Variants in AUH observed in about 807,000 individuals in gnomAD.
AUH encodes AU RNA binding methylglutaconyl-CoA hydratase.
AUH carries 29 observed loss-of-function variants against 42.3 expected under a neutral mutation model. The observed-to-expected ratio is 0.69, with a 90% CI of 0.51 to 0.93. AUH has a LOEUF of 0.93. AUH is among the 40% of genes least tolerant of loss of function. AUH has a pLI of 0.00. For missense variants in AUH, 452 were observed against 438.1 expected (o/e 1.03, Z -0.28); for synonymous variants, 174 against 166.4 (o/e 1.05, Z -0.35).
chr9:91,260,877 A>C (rs1272582118), intron 6 of AUH, among the ~76,000 whole-genome samples: 1 of 152,166 alleles, frequency 6.6e-6, no homozygotes, highest in Non-Finnish European at 1.5e-5. Flanking sequence ...CAGATTCACT[A>C]AACTTTTCTT....
intron 3 of AUH, among the ~76,000 whole-genome samples, chr9:91,330,790 A>G (rs183452036): frequency 6.6e-6 from 1 of 152,360 alleles, no homozygotes; most frequent in East Asian, 1.9e-4. Flanking sequence ...AATATGTTCA[A>G]TGGAAGAGAT....
At chr9:91,233,406 T>C (rs1828000681) in intron 6 of AUH, among the ~76,000 whole-genome samples, 2 of 152,054 alleles carry the variant, frequency 1.3e-5, no homozygotes, top group South Asian at 4.2e-4. Context: ...ATCCTGTGGG[T>C]CCCATGGGCC....
At chr9:91,233,363 G>T (rs753294767) in intron 6 of AUH, among the ~76,000 whole-genome samples, 14 of 152,156 alleles carry the variant, frequency 9.2e-5, no homozygotes, top group Non-Finnish European at 1.8e-4. Flanking sequence ...GCACAAGGAG[G>T]TCCAGTGTGG....
At chr9:91,224,321 G>C (rs1443372905) in intron 6 of AUH, among the ~76,000 whole-genome samples, 1 of 152,118 alleles carries the variant, frequency 6.6e-6, no homozygotes, top group Non-Finnish European at 1.5e-5. Context: ...TGTTTCATTT[G>C]TTGAGTTACA....
At chr9:91,235,476 G>A (rs1048957899) in intron 6 of AUH, among the ~76,000 whole-genome samples, 3 of 152,170 alleles carry the variant, frequency 2.0e-5, no homozygotes, top group Admixed American at 1.3e-4. Context: ...GCCAAGGTAA[G>A]TATAATGTAT....
intron 3 of AUH, among the ~76,000 whole-genome samples, chr9:91,351,027 C>T (rs1422571118): frequency 6.6e-6 from 1 of 151,858 alleles, no homozygotes; most frequent in African/African-American, 2.4e-5. Context: ...GGCTGAAATG[C>T]AGTGGCACAA....
intron 6 of AUH, among the ~76,000 whole-genome samples, chr9:91,283,572 C>T (rs1457136125): frequency 6.6e-6 from 1 of 152,190 alleles, no homozygotes; most frequent in Non-Finnish European, 1.5e-5. Flanking sequence ...CCCATTGTCT[C>T]AGCCCAAAAT....
intron 7 of AUH, among the ~76,000 whole-genome samples, chr9:91,220,369 T>C (rs1399752534): frequency 6.6e-6 from 1 of 152,236 alleles, no homozygotes; most frequent in Non-Finnish European, 1.5e-5. Context: ...GGAAGTCCAC[T>C]CTGGCACAAC....
At chr9:91,273,564 A>G (rs1482879054) in intron 6 of AUH, among the ~76,000 whole-genome samples, 1 of 152,242 alleles carries the variant, frequency 6.6e-6, no homozygotes, top group Non-Finnish European at 1.5e-5. Flanking sequence ...GATTTCTGCA[A>G]TATCAACTGG....
At chr9:91,317,125 G>A (rs991769996) in intron 4 of AUH, among the ~76,000 whole-genome samples, 6 of 152,132 alleles carry the variant, frequency 3.9e-5, no homozygotes, top group Non-Finnish European at 8.8e-5. Context: ...ATAATACACC[G>A]TCTTCATTTC....
intron 3 of AUH, among the ~76,000 whole-genome samples, chr9:91,347,483 G>A (rs1419631832): frequency 1.3e-5 from 2 of 152,114 alleles, no homozygotes; most frequent in African/African-American, 4.8e-5. Context: ...TGGGGGGAGA[G>A]GGTGCTAAAA....
At chr9:91,250,490 T>C (rs1025631706) in intron 6 of AUH, among the ~76,000 whole-genome samples, 1 of 152,208 alleles carries the variant, frequency 6.6e-6, no homozygotes, top group Admixed American at 6.5e-5. Flanking sequence ...GTGAGTCTCT[T>C]ATATTCCCAG....
intron 4 of AUH, among the ~76,000 whole-genome samples, chr9:91,324,900 T>C (rs1261802525): frequency 6.6e-6 from 1 of 151,832 alleles, no homozygotes; most frequent in Non-Finnish European, 1.5e-5. Flanking sequence ...ATATAAAATT[T>C]TGGATAAGAC....
In AUH at chr9:91,361,897, G is replaced by GT; in HGVS notation, c.-9dup. On this transcript the variant is annotated 5_prime_UTR_variant, in exon 1 of 10. Transcript: ENST00000375731. The stretch of plus-strand genomic sequence containing the variant: ...CGCCACCGCGGCCGCCATGTTGTCT[G>GT]TTTACGGCGTGGACCTGCGACGGCC... The GT allele has an allele frequency of 6.9e-7, 1 of 1,448,032 alleles. No individual in the cohort carries two copies. Among genetic ancestry groups the GT allele is most frequent in the African/African-American group, 1.5e-5 (1 of 67,642 alleles). The allele number at this position is 1,448,032 out of a possible 1,614,324, so 89.7% of individuals were successfully genotyped here. A position where few individuals can be genotyped will look rare whatever the true frequency, so the allele number is the denominator to read the frequency against.
intron 6 of AUH, among the ~76,000 whole-genome samples, chr9:91,249,002 TACA>T (rs949664205): frequency 5.3e-5 from 8 of 152,020 alleles, no homozygotes; most frequent in African/African-American, 1.7e-4. Flanking sequence ...GAGTAAAGAA[TACA>T]ACATTTCTGG....
At chr9:91,265,960 T>C (rs1403932386) in intron 6 of AUH, among the ~76,000 whole-genome samples, 1 of 152,160 alleles carries the variant, frequency 6.6e-6, no homozygotes, top group Non-Finnish European at 1.5e-5. Flanking sequence ...TTCTCTTTTA[T>C]AGTTTATGTT....
chr9:91,280,015 C>A (rs2131558365), intron 6 of AUH, among the ~76,000 whole-genome samples: 1 of 152,284 alleles, frequency 6.6e-6, no homozygotes, highest in Non-Finnish European at 1.5e-5. Flanking sequence ...CAGGTACACA[C>A]TGAAATATCT....
chr9:91,315,857 C>CTGTG (rs985014391), intron 4 of AUH, among the ~76,000 whole-genome samples: 2 of 151,854 alleles, frequency 1.3e-5, no homozygotes, highest in Non-Finnish European at 2.9e-5. Context: ...CTTGTAAAGT[C>CTGTG]TGTGTGTGTG....
At chr9:91,297,904 A>G in intron 5 of AUH, 80 bp downstream of exon 5, 1 of 1,160,992 alleles carries the variant, frequency 8.6e-7, no homozygotes. Flanking sequence ...AGGAAGCAGA[A>G]TAAAATATTT....
Sources: gnomAD v4.1 joint callset for allele counts (sites outside exome capture counted in the v4.1 genomes callset) on GRCh38, gnomAD v4.1.1 for gene constraint, MANE v1.5 for transcripts, NCBI Gene and HGNC (gene_info 2026-07-23, HGNC 2026-07-21) for gene names.